Variants in AS3MT observed in about 807,000 individuals in gnomAD.
AS3MT encodes the protein S-adenosyl-L-methionine:arsenic(III) methyltransferase.
AS3MT carries 47 observed loss-of-function variants against 45.3 expected under a neutral mutation model. The ratio of observed to expected loss-of-function variants is 1.04; its 90% CI spans 0.82 to 1.32. The LOEUF (loss-of-function observed/expected upper bound fraction) is 1.32, where lower values mean the gene tolerates loss of function less well. AS3MT is among the 40% of genes most tolerant of loss of function. AS3MT has a pLI of 0.00. For missense variants in AS3MT, 396 were observed against 451.1 expected, an observed-to-expected ratio of 0.88 and a Z score of 1.11; for synonymous variants, 141 against 152.8, an observed-to-expected ratio of 0.92 and a Z score of 0.57.
At chr10:102,893,955 G>A (rs1011774229) in intron 10 of AS3MT, among the ~76,000 whole-genome samples, 4 of 151,984 alleles carry the variant, frequency 2.6e-5, no homozygotes, top group Non-Finnish European at 5.9e-5. Flanking sequence ...TTTCAAATTC[G>A]CTATGTGTCT....
intron 9 of AS3MT, among the ~76,000 whole-genome samples, chr10:102,879,938 T>C (rs976522310): frequency 6.6e-6 from 1 of 152,018 alleles, no homozygotes; most frequent in Non-Finnish European, 1.5e-5. Context: ...TGAAAATAAG[T>C]TGCAGATATT....
chr10:102,877,676 C>T (rs183094910), intron 7 of AS3MT, among the ~76,000 whole-genome samples: 5 of 149,800 alleles, frequency 3.3e-5, no homozygotes, highest in Non-Finnish European at 7.4e-5. Flanking sequence ...AGTTCAGGTA[C>T]AGCCTGGGTG....
chr10:102,891,424 T>C (rs1297485984), intron 10 of AS3MT, among the ~76,000 whole-genome samples: 1 of 152,206 alleles, frequency 6.6e-6, no homozygotes, highest in Non-Finnish European at 1.5e-5. Context: ...GTTATTTGCA[T>C]AAGTTTAGTA....
intron 3 of AS3MT, among the ~76,000 whole-genome samples, chr10:102,870,982 C>T (rs931415252): frequency 2.0e-5 from 3 of 152,086 alleles, no homozygotes; most frequent in African/African-American, 7.2e-5. Context: ...CGGTGGCTCA[C>T]GTCCGTCATC....
At chr10:102,878,088 G>A (rs1232585428) in intron 7 of AS3MT, among the ~76,000 whole-genome samples, 1 of 152,038 alleles carries the variant, frequency 6.6e-6, no homozygotes, top group African/African-American at 2.4e-5. Flanking sequence ...TCACATAACA[G>A]TGCTTTTCAG....
At chr10:102,871,546 C>CAGAAAAAA (rs1844685683) in intron 3 of AS3MT, among the ~76,000 whole-genome samples, 1 of 23,266 alleles carries the variant, frequency 4.3e-5, no homozygotes, top group Non-Finnish European at 6.9e-5. Flanking sequence ...GACTCCGTCT[C>CAGAAAAAA]AAAAAAAAAA....
rs772843530 is a variant in AS3MT, at chr10:102,872,402, T to C, written c.171-46T>C. On this transcript the variant is annotated intron_variant, in intron 3 of 10. Coordinates refer to ENST00000369880, the MANE Select transcript of AS3MT (RefSeq NM_020682.4). ...GTATGTATAAGATTTAGTGGTTTCA[T>C]GTCTTACAGTCTCCAGGGAAAAAAT... The C allele has an allele frequency of 5.0e-6, 8 of 1,601,518 alleles. No homozygotes were observed. The African/African-American group carries it at 8.1e-5, about 16-fold the overall frequency.
intron 9 of AS3MT, among the ~76,000 whole-genome samples, chr10:102,888,870 TATATATATA>T (rs1564794488): frequency 1.3e-3 from 118 of 88,138 alleles, no homozygotes; most frequent in Non-Finnish European, 2.0e-3. Flanking sequence ...TATATATATA[TATATATATA>T]TATTTTTTTT....
intron 9 of AS3MT, among the ~76,000 whole-genome samples, chr10:102,883,275 A>G (rs1262211683): frequency 3.3e-5 from 5 of 150,794 alleles, no homozygotes; most frequent in Admixed American, 6.6e-5. Flanking sequence ...TAATTTTTGC[A>G]TTTTTAGTAG....
Position 102,870,207 on chromosome 10 carries a change from C to G in AS3MT, c.166C>G (p.Leu56Val). 6.2e-7 allele frequency: 1 copy of G among 1,614,162 alleles called. No homozygotes were observed. Among genetic ancestry groups the G allele is most frequent in the Non-Finnish European group, 8.5e-7 (1 of 1,180,018 alleles). ...ALQNVHEEVA[L>V]RYYGCGLVIP... ...GCAAAATGTACACGAAGAAGTAGCC[C>G]TAAGGTAGAGTGCCCTGTGCTGTCC... Residue 56 changes from leucine (L) to valine (V), a missense_variant, in exon 3 of 11, where the codon CTA (leucine) becomes GTA (valine). Leu to Val is a conservative substitution (Grantham distance 32). Coordinates refer to ENST00000369880, the MANE Select transcript of AS3MT (RefSeq NM_020682.4).
rs777133138 is a variant in AS3MT at position 102,869,835 on chromosome 10, A to AG, written c.34dup (p.Asp12GlyfsTer56). 1 of 1,614,018 alleles carries AG rather than the reference A, an allele frequency of 6.2e-7. No individual in the cohort carries two copies. Among genetic ancestry groups the AG allele is most frequent in the Non-Finnish European group, 8.5e-7 (1 of 1,180,030 alleles). On this transcript the variant is annotated frameshift_variant, in exon 2 of 11. Coordinates refer to ENST00000369880, the MANE Select transcript of AS3MT (RefSeq NM_020682.4). LOFTEE classifies it high-confidence loss of function. Reference sequence around the variant, plus strand: ...GCACTTCGTGACGCTGAGATACAGAAGGACGTGCAGGTGAGAGCTGTAGGG... The same window carrying AG: ...GCACTTCGTGACGCTGAGATACAGAAGGGACGTGCAGGTGAGAGCTGTAGGG...
chr10:102,888,883 T>A (rs11191444), intron 9 of AS3MT, among the ~76,000 whole-genome samples: 205 of 94,658 alleles, frequency 2.2e-3, no homozygotes, highest in African/African-American at 6.7e-3. Context: ...ATATATATAT[T>A]TTTTTTTTTT....
intron 9 of AS3MT, among the ~76,000 whole-genome samples, chr10:102,888,869 ATATATATATATAT>A (rs1436682060): frequency 1.2e-3 from 106 of 88,612 alleles, no homozygotes; most frequent in African/African-American, 4.0e-3. Context: ...ATATATATAT[ATATATATATATAT>A]TTTTTTTTTT....
In AS3MT at chr10:102,890,613, T is replaced by A. The variant is rs1412776096; in HGVS notation, c.955T>A (p.Phe319Ile). Residue 319 changes from phenylalanine to isoleucine, a missense_variant, in exon 10 of 11, where the codon TTT (phenylalanine) becomes ATT (isoleucine). By Grantham distance (21) the Phe-to-Ile change is conservative. Transcript: ENST00000369880. ...ILKNSRFAQD[F>I]LIRPIGEKLP... ...GAAGAATTCAAGATTTGCTCAAGAT[T>A]TTCTGATCAGACCAATTGGAGAGAA... 6.2e-7 allele frequency: 1 copy of A among 1,612,716 alleles called. No individual in the cohort carries two copies. Among genetic ancestry groups the A allele is most frequent in the Non-Finnish European group, 8.5e-7 (1 of 1,179,492 alleles).
intron 10 of AS3MT, among the ~76,000 whole-genome samples, chr10:102,893,197 T>TAA (rs1023304115): frequency 1.3e-5 from 2 of 152,072 alleles, no homozygotes; most frequent in African/African-American, 4.8e-5. Flanking sequence ...GCATAGAAGT[T>TAA]AAAGATAAGT....
chr10:102,879,034 C>A, intron 9 of AS3MT, 43 bp downstream of exon 9: 2 of 1,577,090 alleles, frequency 1.3e-6, no homozygotes, highest in South Asian at 2.3e-5. Flanking sequence ...TCTTTCTGCT[C>A]TTGCCCTTGC....
In AS3MT at chr10:102,901,894, C is replaced by T. The variant is rs1224813332; in HGVS notation, c.*1194C>T. ...TTTGCAATAAAGAAAACAAATTAAT[C>T]ATAAACATCTTTGAATCAAGTATCT... On this transcript the variant is annotated 3_prime_UTR_variant, in exon 11 of 11. Coordinates refer to ENST00000369880, the MANE Select transcript of AS3MT (RefSeq NM_020682.4). The T allele has an allele frequency of 6.6e-6, 1 of 151,824 alleles. No homozygotes were observed. Among genetic ancestry groups the T allele is most frequent in the Non-Finnish European group, 1.5e-5 (1 of 67,954 alleles). The allele number at this position is 151,824 out of a possible 1,614,324, so 9.4% of individuals were successfully genotyped here. A position where few individuals can be genotyped will look rare whatever the true frequency, so the allele number is the denominator to read the frequency against.
Position 102,888,723 on chromosome 10 carries a change from G to A in AS3MT, c.886-1821G>A, listed in dbSNP as rs1844999667. Among the ~76,000 whole-genome samples, 4 of 148,192 alleles carry A rather than the reference G, an allele frequency of 2.7e-5. No homozygotes were observed. In the South Asian group the frequency reaches 8.9e-4, roughly 33 times the overall value. On this transcript the variant is annotated intron_variant, in intron 9 of 10. Coordinates refer to ENST00000369880, the MANE Select transcript of AS3MT (RefSeq NM_020682.4). ...GGCATGAGCCACCACACCTGGCCCT[G>A]TCTTTTCTTTATGTTGGAAACATTC...
rs199776896 is a variant in AS3MT, at chr10:102,892,500, C to T, written c.1020+1822C>T. ...ACAGCTGGTAAAATAAGGGACTCTG[C>T]CTCCTGGGTTATTATGTGTGTGGCA... is the stretch of plus-strand genomic sequence containing the variant. On this transcript the variant is annotated intron_variant, in intron 10 of 10. Coordinates refer to ENST00000369880, the MANE Select transcript of AS3MT (RefSeq NM_020682.4). 9.9e-5 allele frequency among the ~76,000 whole-genome samples: 15 copies of T among 152,182 alleles called. No individual in the cohort carries two copies. The East Asian group carries it at 2.9e-3, about 29-fold the overall frequency.
Sources: allele counts gnomAD v4.1 joint callset (sites outside exome capture counted in the v4.1 genomes callset), GRCh38; gene constraint gnomAD v4.1.1; transcripts MANE v1.5; gene names NCBI Gene and HGNC (gene_info 2026-07-23, HGNC 2026-07-21).